Variants in KCNMA1 observed in about 807,000 individuals in gnomAD.
The protein encoded by KCNMA1 is potassium calcium-activated channel subfamily M alpha 1.
KCNMA1 carries 29 observed loss-of-function variants against 140.0 expected under a neutral mutation model. That is an observed-to-expected ratio of 0.21 (90% confidence interval 0.15 to 0.28). The LOEUF is 0.28. Ranked by LOEUF, KCNMA1 falls within the 10% of genes least tolerant of loss-of-function variation. The pLI, the probability that KCNMA1 is intolerant of heterozygous loss-of-function variation, is 1.00. For synonymous variants in KCNMA1, 612 were observed against 611.9 expected, an observed-to-expected ratio of 1.00 and a Z score of 0.00; for missense variants, 880 against 1,602.2, an observed-to-expected ratio of 0.55 and a Z score of 7.70.
intron 1 of KCNMA1, among the ~76,000 whole-genome samples, chr10:77,554,597 C>CAAAAAA (rs59754706): frequency 3.8e-4 from 32 of 84,004 alleles, no homozygotes; most frequent in East Asian, 6.6e-4. Flanking sequence ...TACTCCATCT[C>CAAAAAA]AAAAAAAAAA....
chr10:77,624,613 A>C (rs775990693), intron 1 of KCNMA1, among the ~76,000 whole-genome samples: 5 of 152,182 alleles, frequency 3.3e-5, no homozygotes, highest in South Asian at 4.1e-4. Context: ...TCAGGTAAAA[A>C]TGATAGTTTT....
chr10:77,410,220 A>AT (rs2096588789), intron 1 of KCNMA1, among the ~76,000 whole-genome samples: 1 of 152,190 alleles, frequency 6.6e-6, no homozygotes, highest in South Asian at 2.1e-4. Context: ...GTGACCTGTC[A>AT]TGCTGGGCAC....
At chr10:77,009,977 C>A (rs1005342044) in intron 18 of KCNMA1, among the ~76,000 whole-genome samples, 3 of 152,166 alleles carry the variant, frequency 2.0e-5, no homozygotes, top group African/African-American at 7.2e-5. Context: ...AGGGACTTTA[C>A]CTTGTTGACC....
Position 77,001,529 on chromosome 10 carries a change from C to T in KCNMA1, c.2144G>A (p.Gly715Glu). The change falls in exon 19 of 28, where the codon GGA becomes GAA. Residue 715 changes from glycine to glutamate, a missense_variant. Gly to Glu is a moderately conservative substitution (Grantham distance 98, BLOSUM62 -2). This residue lies in a region of KCNMA1 where 196 missense variants were observed against 233.0 expected (regional missense o/e 0.84). Transcript: ENST00000286628. ...RMRRACCFDC[G>E]RSERDCSCMS... is the part of the protein sequence containing the mutation. Reference sequence around the variant, plus strand: ...GCATGAGCAGTCACGCTCAGAACGTCCGCAATCAAAACAACATGCCCGTCT... The same window carrying T: ...GCATGAGCAGTCACGCTCAGAACGTTCGCAATCAAAACAACATGCCCGTCT... 6.4e-7 allele frequency: 1 copy of T among 1,552,178 alleles called. No homozygotes were observed. Among genetic ancestry groups the T allele is most frequent in the Non-Finnish European group, 8.7e-7 (1 of 1,147,036 alleles).
In KCNMA1 at chr10:77,379,976, A is replaced by G. The variant is rs531080406; in HGVS notation, c.540+23886T>C. On this transcript the variant is annotated intron_variant, in intron 2 of 27. Transcript: ENST00000286628. ...TGCGGTACCTACTCTCATAGTAGGGATATGAGGATTAATGAGGTGATGTAG... is the reference window on the plus strand; with the variant it reads ...TGCGGTACCTACTCTCATAGTAGGGGTATGAGGATTAATGAGGTGATGTAG... Among the ~76,000 whole-genome samples, 295 of 152,296 alleles carry G rather than the reference A, an allele frequency of 1.9e-3. 2 individuals carry two copies. Among genetic ancestry groups the G allele is most frequent in the Middle Eastern group, 0.014 (4 of 294 alleles).
intron 1 of KCNMA1, among the ~76,000 whole-genome samples, chr10:77,494,233 G>T (rs1344825241): frequency 6.6e-6 from 1 of 152,150 alleles, no homozygotes; most frequent in Non-Finnish European, 1.5e-5. Context: ...GCTTAATCTG[G>T]CATTTCGCCA....
intron 1 of KCNMA1, among the ~76,000 whole-genome samples, chr10:77,551,752 G>A (rs2062905341): frequency 6.6e-6 from 1 of 152,198 alleles, no homozygotes; most frequent in South Asian, 2.1e-4. Context: ...GGTGTGTGTG[G>A]AGCTTGCTGG....
chr10:77,619,291 C>T (rs1191453873), intron 1 of KCNMA1, among the ~76,000 whole-genome samples: 5 of 146,842 alleles, frequency 3.4e-5, no homozygotes, highest in East Asian at 2.0e-4. Context: ...CGTGGTGCCC[C>T]AGTAGTGTCT....
chr10:76,951,181 G>A (rs2066124363), intron 21 of KCNMA1, among the ~76,000 whole-genome samples: 1 of 152,186 alleles, frequency 6.6e-6, no homozygotes, highest in Admixed American at 6.5e-5. Flanking sequence ...AGGCACAGAT[G>A]CTGACCCCAG....
chr10:77,072,054 G>A (rs1460526008), intron 14 of KCNMA1, among the ~76,000 whole-genome samples: 2 of 152,170 alleles, frequency 1.3e-5, no homozygotes, highest in African/African-American at 4.8e-5. Context: ...GCAAAAGGCA[G>A]GAGGTCTCAT....
intron 2 of KCNMA1, among the ~76,000 whole-genome samples, chr10:77,289,766 A>C (rs932993750): frequency 1.2e-4 from 19 of 152,214 alleles, no homozygotes; most frequent in African/African-American, 3.9e-4. Flanking sequence ...GTACATCAAA[A>C]ATTTCCTTCA....
intron 1 of KCNMA1, among the ~76,000 whole-genome samples, chr10:77,494,798 G>A (rs1308408541): frequency 6.6e-6 from 1 of 152,226 alleles, no homozygotes; most frequent in East Asian, 1.9e-4. Context: ...CTGACATGGA[G>A]ATGTCGTTGG....
At chr10:77,218,000 T>A (rs1219604060) in intron 3 of KCNMA1, among the ~76,000 whole-genome samples, 4 of 152,138 alleles carry the variant, frequency 2.6e-5, no homozygotes, top group Non-Finnish European at 4.4e-5. Context: ...AATATATATC[T>A]CAACATAATG....
In KCNMA1 at chr10:77,371,669, C is replaced by T. The variant is rs564214032; in HGVS notation, c.540+32193G>A. ...CACCGGTCCCCTCATTGCAACCTCACCATTCCCTATCAACCTCTGAGTTTT... is the reference window on the plus strand; with the variant it reads ...CACCGGTCCCCTCATTGCAACCTCATCATTCCCTATCAACCTCTGAGTTTT... On this transcript the variant is annotated intron_variant, in intron 2 of 27. Transcript: ENST00000286628. Among the ~76,000 whole-genome samples the T allele has an allele frequency of 3.2e-4, 48 of 152,308 alleles. 1 individual carries two copies. In the South Asian group the frequency reaches 5.2e-3, roughly 16 times the overall value.
intron 3 of KCNMA1, among the ~76,000 whole-genome samples, chr10:77,241,796 G>A (rs1222055172): frequency 6.6e-6 from 1 of 152,202 alleles, no homozygotes. Flanking sequence ...CTGGGTGACA[G>A]AGTGAGACCG....
chr10:77,417,838 G>A (rs968268803), intron 1 of KCNMA1, among the ~76,000 whole-genome samples: 2 of 152,174 alleles, frequency 1.3e-5, no homozygotes, highest in Non-Finnish European at 2.9e-5. Context: ...CCCCATTCAG[G>A]AAACCAAGGG....
intron 1 of KCNMA1, among the ~76,000 whole-genome samples, chr10:77,534,250 C>T (rs1043917143): frequency 1.1e-4 from 16 of 152,214 alleles, no homozygotes; most frequent in African/African-American, 3.9e-4. Context: ...AAATATCCTA[C>T]ACTAGAGAAA....
chr10:77,627,381 T>C (rs957238499), intron 1 of KCNMA1, among the ~76,000 whole-genome samples: 2 of 152,174 alleles, frequency 1.3e-5, no homozygotes, highest in Non-Finnish European at 1.5e-5. Context: ...GGTGAATTTA[T>C]GGCCCAGCAA....
At chr10:77,158,587 A>C (rs2098517684) in intron 5 of KCNMA1, among the ~76,000 whole-genome samples, 1 of 151,742 alleles carries the variant, frequency 6.6e-6, no homozygotes. Context: ...TCCCCTCTCT[A>C]GCTCCATAAC....
Sources: gnomAD v4.1 joint callset for allele counts (sites outside exome capture counted in the v4.1 genomes callset) on GRCh38, gnomAD v4.1.1 for gene constraint, gnomAD v4.1.1 regional missense constraint, MANE v1.5 for transcripts, NCBI Gene and HGNC (gene_info 2026-07-23, HGNC 2026-07-21) for gene names.